MYO16: variants seen among roughly 807,000 people sequenced by gnomAD.
MYO16 encodes the protein unconventional myosin-XVI.
Under a neutral mutation model 205.3 loss-of-function variants are expected in MYO16, and 94 were observed. The observed-to-expected ratio is 0.46, with a 90% CI of 0.39 to 0.54. MYO16 has a LOEUF of 0.54. Among genes scored for constraint, MYO16 ranks in the 20% least tolerant of loss-of-function variants. The pLI is 0.00. For synonymous variants in MYO16, 988 were observed against 954.0 expected (o/e 1.04, Z -0.66); for missense variants, 2,315 against 2,387.5 (o/e 0.97, Z 0.63).
intron 16 of MYO16, among the ~76,000 whole-genome samples, chr13:108,952,112 A>G (rs1415399391): frequency 6.5e-4 from 1 of 1,540 alleles, no homozygotes; most frequent in African/African-American, 2.6e-3. Flanking sequence ...ACTCCATCTC[A>G]ATAAATAAAT....
intron 9 of MYO16, among the ~76,000 whole-genome samples, chr13:108,843,381 G>T (rs1004479839): frequency 6.6e-6 from 1 of 152,048 alleles, no homozygotes; most frequent in African/African-American, 2.4e-5. Flanking sequence ...AGGTGATAAA[G>T]TATTCTATAC....
Position 108,755,392 on chromosome 13 carries a change from G to C in MYO16, c.507+27809G>C, listed in dbSNP as rs7983376. ...CAAATCATTCTACAACTACTAAAAG[G>C]TTTCATTTTTATGAGATAATTCTCA... On this transcript the variant is annotated intron_variant, in intron 4 of 34. Transcript: ENST00000457511. 3.9e-3 allele frequency among the ~76,000 whole-genome samples: 593 copies of C among 151,984 alleles called. 1 individual carries two copies. The highest frequency in any genetic ancestry group is 0.013 in the African/African-American group (559 of 41,448).
chr13:108,597,672 C>A (rs1160935200), intron 1 of MYO16, among the ~76,000 whole-genome samples: 3 of 152,164 alleles, frequency 2.0e-5, no homozygotes. Context: ...CCTGCCCTGC[C>A]GTTCCCCTCC....
the MYO16 span, among the ~76,000 whole-genome samples, chr13:108,561,116 G>A: frequency 2.0e-5 from 3 of 152,142 alleles, no homozygotes; most frequent in African/African-American, 2.4e-5. Context: ...GAACAGGGAC[G>A]GGTCTGTCTG....
At chr13:108,965,372 T>C (rs1883754769) in intron 20 of MYO16, among the ~76,000 whole-genome samples, 1 of 152,198 alleles carries the variant, frequency 6.6e-6, no homozygotes, top group Non-Finnish European at 1.5e-5. Context: ...AGGGTCTCTA[T>C]GGTAATCATT....
At chr13:108,646,498 T>A (rs1489071010) in intron 1 of MYO16, among the ~76,000 whole-genome samples, 1 of 152,232 alleles carries the variant, frequency 6.6e-6, no homozygotes, top group Admixed American at 6.5e-5. Context: ...ATTAAGCAAT[T>A]TATGTCATTC....
chr13:108,714,118 GCA>G, intron 3 of MYO16, among the ~76,000 whole-genome samples: 1 of 152,064 alleles, frequency 6.6e-6, no homozygotes, highest in East Asian at 1.9e-4. Flanking sequence ...GTGCAGTGGT[GCA>G]ATCTCGGCTC....
At chr13:109,189,386 A>G (rs891617731) in intron 34 of MYO16, among the ~76,000 whole-genome samples, 5 of 152,364 alleles carry the variant, frequency 3.3e-5, no homozygotes, top group African/African-American at 1.2e-4. Flanking sequence ...AAGGTATATT[A>G]GTTTTATTAC....
At chr13:108,645,809 T>C (rs1366099320) in intron 1 of MYO16, among the ~76,000 whole-genome samples, 1 of 152,212 alleles carries the variant, frequency 6.6e-6, no homozygotes, top group Admixed American at 6.5e-5. Flanking sequence ...CTTCCACATC[T>C]ACCTTGTACA....
intron 33 of MYO16, among the ~76,000 whole-genome samples, chr13:109,175,633 C>T (rs1879135505): frequency 6.6e-6 from 1 of 152,108 alleles, no homozygotes; most frequent in Admixed American, 6.5e-5. Context: ...AGAATGTGTT[C>T]AGCAAGGGAC....
At chr13:108,677,051 C>T (rs547451964) in intron 2 of MYO16, among the ~76,000 whole-genome samples, 61 of 152,066 alleles carry the variant, frequency 4.0e-4, no homozygotes, top group Non-Finnish European at 6.8e-4. Context: ...ATCAGGATTC[C>T]TTAATTATTC....
chr13:108,704,013 G>A (rs1471292112), intron 2 of MYO16, among the ~76,000 whole-genome samples: 2 of 152,176 alleles, frequency 1.3e-5, no homozygotes, highest in African/African-American at 4.8e-5. Context: ...CACATGTGAG[G>A]ACACAGTGAT....
chr13:109,064,685 T>C (rs1263436467), intron 27 of MYO16, among the ~76,000 whole-genome samples: 2 of 152,114 alleles, frequency 1.3e-5, no homozygotes, highest in African/African-American at 4.8e-5. Context: ...TCCTGAGTCA[T>C]AGGGAGGAAC....
intron 4 of MYO16, among the ~76,000 whole-genome samples, chr13:108,746,992 G>A (rs892600087): frequency 1.3e-5 from 2 of 152,176 alleles, no homozygotes; most frequent in African/African-American, 4.8e-5. Flanking sequence ...AGCAAGAAGA[G>A]TGGAGTGAAA....
At chr13:109,187,035 T>G (rs1879717736) in intron 34 of MYO16, among the ~76,000 whole-genome samples, 1 of 152,238 alleles carries the variant, frequency 6.6e-6, no homozygotes, top group African/African-American at 2.4e-5. Flanking sequence ...CTTGGTTTAA[T>G]TATTCATTTA....
chr13:108,802,903 A>T (rs1319419110), intron 6 of MYO16, among the ~76,000 whole-genome samples: 4 of 152,122 alleles, frequency 2.6e-5, no homozygotes, highest in Non-Finnish European at 5.9e-5. Flanking sequence ...TCCTTTGGCC[A>T]TTTTTAAATT....
At chr13:108,730,223 T>G (rs949949935) in intron 4 of MYO16, among the ~76,000 whole-genome samples, 2 of 152,164 alleles carry the variant, frequency 1.3e-5, no homozygotes, top group Admixed American at 1.3e-4. Context: ...TCTCATGAGA[T>G]CCTATGGTTT....
intron 9 of MYO16, among the ~76,000 whole-genome samples, chr13:108,828,779 A>T (rs574931099): frequency 1.8e-4 from 27 of 152,194 alleles, no homozygotes; most frequent in Non-Finnish European, 3.5e-4. Flanking sequence ...CGAGACACCA[A>T]TAAAAACTGT....
At chr13:108,755,208 G>T (rs184296068) in intron 4 of MYO16, among the ~76,000 whole-genome samples, 5 of 152,062 alleles carry the variant, frequency 3.3e-5, no homozygotes, top group African/African-American at 9.6e-5. Flanking sequence ...ACTCTGTGGT[G>T]TAGCATGCAG....
Sources: allele counts gnomAD v4.1 joint callset (sites outside exome capture counted in the v4.1 genomes callset), GRCh38; gene constraint gnomAD v4.1.1; transcripts MANE v1.5; gene names NCBI Gene and HGNC (gene_info 2026-07-23, HGNC 2026-07-21).